Variants in LRRC69 observed in about 807,000 individuals in gnomAD.
The protein encoded by LRRC69 is leucine rich repeat containing 69, also known as leucine-rich repeat-containing protein 69.
Under a neutral mutation model 37.8 loss-of-function variants are expected in LRRC69, and 42 were observed. That is an observed-to-expected ratio of 1.11 (90% CI 0.87 to 1.44). The LOEUF is 1.44. Ranked by LOEUF, LRRC69 falls within the 40% of genes most tolerant of loss-of-function variation. The pLI is 0.00. For missense variants in LRRC69, 357 were observed against 401.9 expected (o/e 0.89, Z 0.96); for synonymous variants, 141 against 143.1 (o/e 0.99, Z 0.11).
At chr8:91,145,480 TACC>T in intron 5 of LRRC69, among the ~76,000 whole-genome samples, 1 of 151,922 alleles carries the variant, frequency 6.6e-6, no homozygotes, top group South Asian at 2.1e-4. Context: ...AGGAAAAGTA[TACC>T]CTATTCTTGA....
intron 5 of LRRC69, among the ~76,000 whole-genome samples, chr8:91,159,273 T>C (rs191051315): frequency 3.3e-5 from 5 of 151,372 alleles, no homozygotes; most frequent in African/African-American, 1.2e-4. Flanking sequence ...AGGGATGGTC[T>C]AAAGGACGTT....
At chr8:91,201,126 G>C (rs573010697) in intron 7 of LRRC69, among the ~76,000 whole-genome samples, 7 of 152,280 alleles carry the variant, frequency 4.6e-5, no homozygotes, top group African/African-American at 1.7e-4. Context: ...TTGGTCAGTA[G>C]TCTGTCATGG....
intron 6 of LRRC69, among the ~76,000 whole-genome samples, chr8:91,197,234 G>C (rs1809621621): frequency 6.6e-6 from 1 of 152,154 alleles, no homozygotes; most frequent in African/African-American, 2.4e-5. Context: ...GAGAACCACT[G>C]CTCTCTTCAA....
chr8:91,180,560 C>T (rs1563616156), intron 5 of LRRC69, among the ~76,000 whole-genome samples: 2 of 152,184 alleles, frequency 1.3e-5, no homozygotes, highest in Admixed American at 1.3e-4. Flanking sequence ...GAATTAGGCT[C>T]TACCTCTTAA....
intron 6 of LRRC69, among the ~76,000 whole-genome samples, chr8:91,191,855 A>C (rs1412408647): frequency 6.6e-6 from 1 of 151,564 alleles, no homozygotes; most frequent in African/African-American, 2.4e-5. Flanking sequence ...TTTTTCTTTT[A>C]TTATTATACT....
intron 5 of LRRC69, among the ~76,000 whole-genome samples, chr8:91,142,775 T>G (rs1808552427): frequency 6.6e-6 from 1 of 152,046 alleles, no homozygotes; most frequent in African/African-American, 2.4e-5. Context: ...TTGGCTACAC[T>G]GTCAGGACTC....
intron 5 of LRRC69, among the ~76,000 whole-genome samples, chr8:91,151,716 C>G (rs961702317): frequency 6.6e-6 from 1 of 151,662 alleles, no homozygotes; most frequent in African/African-American, 2.4e-5. Flanking sequence ...TGAGGAATCA[C>G]CACACTGTCT....
At chr8:91,151,931 C>T (rs1312587639) in intron 5 of LRRC69, among the ~76,000 whole-genome samples, 10 of 151,284 alleles carry the variant, frequency 6.6e-5, no homozygotes, top group African/African-American at 1.9e-4. Context: ...GTTTCTTGGC[C>T]GCATAAATGT....
At chr8:91,186,706 A>G (rs1809413954) in intron 5 of LRRC69, among the ~76,000 whole-genome samples, 1 of 152,130 alleles carries the variant, frequency 6.6e-6, no homozygotes. Context: ...GCTGAGATGA[A>G]TTCAAGTACC....
At chr8:91,195,178 T>C (rs1327363885) in intron 6 of LRRC69, among the ~76,000 whole-genome samples, 1 of 151,920 alleles carries the variant, frequency 6.6e-6, no homozygotes, top group African/African-American at 2.4e-5. Flanking sequence ...TAATCCTGAG[T>C]TCTAGTTTGA....
At position 91,176,134 on chromosome 8, in the gene LRRC69, A is replaced by ATATATATATTTTTTT; in HGVS notation, c.652-13387_652-13386insATATATATTTTTTTT. Among the ~76,000 whole-genome samples the ATATATATATTTTTTT allele has an allele frequency of 9.5e-3, 722 of 75,616 alleles. 13 individuals are homozygous for ATATATATATTTTTTT. Among genetic ancestry groups the ATATATATATTTTTTT allele is most frequent in the African/African-American group, 0.02 (324 of 16,388 alleles). 49.6% of individuals were successfully genotyped at this position (75,616 alleles called of 152,430 possible). ...ATCCCTCATATATATATATATATAT[A>ATATATATATTTTTTT]TTTTTTTTTTTTCTTTTTTTTGAGA... On this transcript the variant is annotated intron_variant, in intron 5 of 7. Coordinates refer to ENST00000448384, the Ensembl canonical transcript of LRRC69.
chr8:91,219,079 A>T, downstream of LRRC69: 1 of 620,836 alleles, frequency 1.6e-6, no homozygotes, highest in Admixed American at 3.4e-5. Context: ...CCTACTTAAG[A>T]TACCATGCCT....
chr8:91,193,165 C>T (rs1243410003), intron 6 of LRRC69, among the ~76,000 whole-genome samples: 58 of 127,028 alleles, frequency 4.6e-4, no homozygotes, highest in African/African-American at 1.3e-3. Context: ...TGTAGATATG[C>T]GGCGTTATTT....
intron 5 of LRRC69, among the ~76,000 whole-genome samples, chr8:91,168,652 A>G (rs1809071953): frequency 6.6e-6 from 1 of 151,894 alleles, no homozygotes; most frequent in African/African-American, 2.4e-5. Flanking sequence ...GCACAGCCTT[A>G]CTACTCCTGG....
intron 5 of LRRC69, among the ~76,000 whole-genome samples, chr8:91,186,674 C>A (rs971111613): frequency 1.3e-5 from 2 of 152,098 alleles, no homozygotes; most frequent in Non-Finnish European, 2.9e-5. Context: ...TTCAGAAAAC[C>A]ATTTCTTCAG....
chr8:91,206,774 C>T (rs1809812752), intron 7 of LRRC69: 2 of 1,289,560 alleles, frequency 1.6e-6, no homozygotes, highest in Non-Finnish European at 2.0e-6. Context: ...AAATATGTCA[C>T]CTGGAATACC....
rs182245664 is a variant in LRRC69, at chr8:91,155,390, T to C, written c.651+19651T>C. On this transcript the variant is annotated intron_variant, in intron 5 of 7. Transcript: ENST00000448384. ...ATATTTGTGGGGGTGCAGAGTGAGA[T>C]TTTTATACATATATACAATGAGTAA... Among the ~76,000 whole-genome samples, 744 of 151,068 alleles carry C rather than the reference T, an allele frequency of 4.9e-3. 7 individuals carry two copies. The highest frequency in any genetic ancestry group is 0.02 in the Middle Eastern group (6 of 294).
chr8:91,184,395 G>T (rs1053156702), intron 5 of LRRC69, among the ~76,000 whole-genome samples: 2 of 152,070 alleles, frequency 1.3e-5, no homozygotes, highest in Non-Finnish European at 2.9e-5. Context: ...CAAAGAGTAA[G>T]AATAACTTTC....
At chr8:91,209,927 A>G (rs1306369587) in intron 7 of LRRC69, among the ~76,000 whole-genome samples, 1 of 152,324 alleles carries the variant, frequency 6.6e-6, no homozygotes, top group Non-Finnish European at 1.5e-5. Context: ...AGTTCTTACT[A>G]TATGCAAGGT....
Sources: allele counts gnomAD v4.1 joint callset (sites outside exome capture counted in the v4.1 genomes callset), GRCh38; gene constraint gnomAD v4.1.1; transcripts MANE v1.5; gene names NCBI Gene and HGNC (gene_info 2026-07-23, HGNC 2026-07-21).